DENND1A: variants seen among roughly 807,000 people sequenced by gnomAD.
DENND1A encodes the protein DENN domain containing 1A.
DENND1A carries 51 observed loss-of-function variants against 113.7 expected under a neutral mutation model. The ratio of observed to expected loss-of-function variants is 0.45; its 90% CI spans 0.36 to 0.57. The LOEUF is 0.57. Ranked by LOEUF, DENND1A falls within the 20% of genes least tolerant of loss-of-function variation. The pLI, the probability that DENND1A is intolerant of heterozygous loss-of-function variation, is 0.00. For synonymous variants in DENND1A, 565 were observed against 570.8 expected (o/e 0.99, Z 0.14); for missense variants, 1,258 against 1,395.9 (o/e 0.90, Z 1.57).
intron 13 of DENND1A, among the ~76,000 whole-genome samples, chr9:123,541,617 C>T (rs919190238): frequency 6.6e-6 from 1 of 152,180 alleles, no homozygotes; most frequent in Non-Finnish European, 1.5e-5. Flanking sequence ...CCTGCCAGGT[C>T]ACATCACTAA....
At chr9:123,836,475 A>G (rs77164142) in intron 2 of DENND1A, among the ~76,000 whole-genome samples, 7,070 of 152,250 alleles carry the variant, frequency 0.046, 191 homozygotes, top group Middle Eastern at 0.089. Context: ...TATAGAGGGG[A>G]AAAATACGGT....
At chr9:123,504,988 A>AC (rs923909875) in intron 13 of DENND1A, among the ~76,000 whole-genome samples, 2 of 151,968 alleles carry the variant, frequency 1.3e-5, no homozygotes, top group Admixed American at 6.6e-5. Context: ...ACAAGAACCC[A>AC]CCCCCCTTGT....
chr9:123,716,216 T>C (rs1457944134), intron 5 of DENND1A, among the ~76,000 whole-genome samples: 1 of 152,204 alleles, frequency 6.6e-6, no homozygotes, highest in African/African-American at 2.4e-5. Context: ...TCATTGTTTT[T>C]CAGTTAGCAT....
At position 123,646,391 on chromosome 9, in the gene DENND1A, AG is replaced by A. The variant is rs373691339; in HGVS notation, c.618+5621del. ...GAAAGGGAGACTAGAAATGGGATAAAGGGGATACGGGTCAAGAAAGTTTTGT... is the reference window on the plus strand; with the variant it reads ...GAAAGGGAGACTAGAAATGGGATAAAGGGATACGGGTCAAGAAAGTTTTGT... On this transcript the variant is annotated intron_variant, in intron 9 of 23. Coordinates refer to ENST00000394215, the MANE Select transcript of DENND1A (RefSeq NM_001352964.2). 2.3e-3 allele frequency among the ~76,000 whole-genome samples: 356 copies of A among 152,280 alleles called. 1 individual carries two copies. Among genetic ancestry groups the A allele is most frequent in the African/African-American group, 8.3e-3 (345 of 41,552 alleles).
At chr9:123,507,704 A>T (rs1237734123) in intron 13 of DENND1A, among the ~76,000 whole-genome samples, 3 of 151,670 alleles carry the variant, frequency 2.0e-5, no homozygotes, top group African/African-American at 7.3e-5. Flanking sequence ...AAAAAAAGAA[A>T]ATTAGCCAGG....
intron 13 of DENND1A, among the ~76,000 whole-genome samples, chr9:123,552,696 T>C (rs1402694406): frequency 6.6e-6 from 1 of 152,248 alleles, no homozygotes; most frequent in Non-Finnish European, 1.5e-5. Context: ...CCCTGCAGGC[T>C]CATTCTGCCC....
intron 5 of DENND1A, among the ~76,000 whole-genome samples, chr9:123,746,453 T>C (rs183422586): frequency 1.4e-4 from 22 of 152,298 alleles, no homozygotes; most frequent in Admixed American, 5.9e-4. Flanking sequence ...AGTTTGAATA[T>C]CCCTTATCCA....
At chr9:123,751,725 G>C (rs902866058) in intron 5 of DENND1A, 2 of 152,048 alleles carry the variant, frequency 1.3e-5, no homozygotes, top group African/African-American at 4.8e-5. Flanking sequence ...CTTTCATCTT[G>C]CTATACCTTT....
At chr9:123,603,220 A>C (rs1283255266) in intron 11 of DENND1A, among the ~76,000 whole-genome samples, 3 of 152,248 alleles carry the variant, frequency 2.0e-5, no homozygotes, top group Non-Finnish European at 4.4e-5. Flanking sequence ...TGAAAAGAAA[A>C]AACTAGTTAA....
At chr9:123,801,999 A>G (rs1238481405) in intron 2 of DENND1A, among the ~76,000 whole-genome samples, 2 of 152,290 alleles carry the variant, frequency 1.3e-5, no homozygotes, top group East Asian at 1.9e-4. Context: ...TAAAAATTCA[A>G]AAGACAAAGA....
At chr9:123,631,864 AT>A (rs1564849919) in intron 9 of DENND1A, among the ~76,000 whole-genome samples, 3 of 151,892 alleles carry the variant, frequency 2.0e-5, no homozygotes, top group African/African-American at 7.3e-5. Flanking sequence ...AAAATTCAAT[AT>A]AGTGAAAAGA....
intron 21 of DENND1A, chr9:123,402,681 G>A (rs1164665350): frequency 5.8e-6 from 3 of 521,164 alleles, no homozygotes. Flanking sequence ...TGCTCCTTTT[G>A]CGGACAAAGG....
intron 13 of DENND1A, among the ~76,000 whole-genome samples, chr9:123,490,523 A>G (rs184451353): frequency 2.3e-4 from 35 of 152,260 alleles, no homozygotes; most frequent in Admixed American, 5.9e-4. Context: ...CAGGGGACAG[A>G]GGTTATAGTG....
intron 5 of DENND1A, among the ~76,000 whole-genome samples, chr9:123,689,170 G>A (rs1443758249): frequency 6.6e-6 from 1 of 152,028 alleles, no homozygotes; most frequent in Non-Finnish European, 1.5e-5. Context: ...GATTACAGGT[G>A]CATGCCACCA....
At chr9:123,724,322 C>T (rs1477349519) in intron 5 of DENND1A, among the ~76,000 whole-genome samples, 1 of 152,114 alleles carries the variant, frequency 6.6e-6, no homozygotes, top group Non-Finnish European at 1.5e-5. Context: ...ACCACACATA[C>T]CTAAATTTCC....
In DENND1A at chr9:123,505,364, G is replaced by A. The variant is rs186582344; in HGVS notation, c.994-47467C>T. Among the ~76,000 whole-genome samples, 66 of 152,262 alleles carry A rather than the reference G, an allele frequency of 4.3e-4. 1 individual carries two copies. Among genetic ancestry groups the A allele is most frequent in the African/African-American group, 1.3e-3 (54 of 41,546 alleles). Reference sequence around the variant, plus strand: ...ATAATGTTTGTCTTTAAAGTGACTTGGGCTTATTTCTTCTTTAAACAATGG... The same window carrying A: ...ATAATGTTTGTCTTTAAAGTGACTTAGGCTTATTTCTTCTTTAAACAATGG... On this transcript the variant is annotated intron_variant, in intron 13 of 23. Coordinates refer to ENST00000394215, the MANE Select transcript of DENND1A (RefSeq NM_001352964.2).
chr9:123,813,360 C>A (rs1836941828), intron 2 of DENND1A, among the ~76,000 whole-genome samples: 1 of 151,516 alleles, frequency 6.6e-6, no homozygotes, highest in African/African-American at 2.4e-5. Flanking sequence ...TAATGTACAT[C>A]TTTAATCTAC....
chr9:123,627,757 A>AAAAAAAAAG (rs1366495919), intron 10 of DENND1A, among the ~76,000 whole-genome samples: 1 of 144,462 alleles, frequency 6.9e-6, no homozygotes, highest in African/African-American at 2.7e-5. Context: ...AAAAAAAAAA[A>AAAAAAAAAG]AGAGAGAGAG....
At chr9:123,506,958 G>C (rs1275311935) in intron 13 of DENND1A, among the ~76,000 whole-genome samples, 2 of 152,238 alleles carry the variant, frequency 1.3e-5, no homozygotes, top group African/African-American at 4.8e-5. Flanking sequence ...TGCTGAGGCA[G>C]GCAGATAACT....
Sources: allele counts gnomAD v4.1 joint callset (sites outside exome capture counted in the v4.1 genomes callset), GRCh38; gene constraint gnomAD v4.1.1; transcripts MANE v1.5; gene names NCBI Gene and HGNC (gene_info 2026-07-23, HGNC 2026-07-21).